PRKCH: variants seen among roughly 807,000 people sequenced by gnomAD.
The protein encoded by PRKCH is protein kinase C eta, also known as protein kinase C eta type.
A neutral mutation model predicts 82.5 loss-of-function variants in PRKCH; 28 were observed. The ratio of observed to expected loss-of-function variants is 0.34; its 90% confidence interval spans 0.25 to 0.47. The LOEUF (loss-of-function observed/expected upper bound fraction) is 0.47. PRKCH is among the 20% of genes least tolerant of loss of function. The pLI, the probability that PRKCH is intolerant of heterozygous loss-of-function variation, is 1.00. For missense variants in PRKCH, 705 were observed against 881.8 expected (o/e 0.80, Z 2.54); for synonymous variants, 322 against 327.4 (o/e 0.98, Z 0.18).
intron 1 of PRKCH, among the ~76,000 whole-genome samples, chr14:61,313,152 A>C (rs1052233146): frequency 6.6e-6 from 1 of 152,206 alleles, no homozygotes; most frequent in African/African-American, 2.4e-5. Context: ...CAAGACCTAG[A>C]GAAAACCCAG....
intron 1 of PRKCH, among the ~76,000 whole-genome samples, chr14:61,259,949 G>A (rs1418914557): frequency 1.3e-5 from 2 of 152,114 alleles, no homozygotes; most frequent in Non-Finnish European, 1.5e-5. Context: ...ATAAGTGACC[G>A]AGCCTTCATC....
chr14:61,238,897 T>C (rs766190693), intron 1 of PRKCH, among the ~76,000 whole-genome samples: 2 of 152,124 alleles, frequency 1.3e-5, no homozygotes, highest in African/African-American at 2.4e-5. Context: ...GGATCTCCAT[T>C]AAAGGAGCCC....
chr14:61,268,480 A>C (rs2140084455), intron 1 of PRKCH, among the ~76,000 whole-genome samples: 1 of 152,216 alleles, frequency 6.6e-6, no homozygotes, highest in South Asian at 2.1e-4. Context: ...AGCCTGGCCA[A>C]CTTGGTAAAA....
At chr14:61,268,844 A>C (rs1484838022) in intron 1 of PRKCH, among the ~76,000 whole-genome samples, 1 of 152,010 alleles carries the variant, frequency 6.6e-6, no homozygotes, top group Non-Finnish European at 1.5e-5. Flanking sequence ...TTCTGGAAAG[A>C]CTCTGGAGGC....
At chr14:61,281,221 C>G in intron 1 of PRKCH, 1 of 995,620 alleles carries the variant, frequency 1.0e-6, no homozygotes, top group Non-Finnish European at 1.3e-6. Context: ...CTCTCCGCGC[C>G]GCGCAAGCCC....
chr14:61,518,442 A>AAAAAAG lies in PRKCH; in HGVS notation c.1434-10615_1434-10610dup, dbSNP rs58836273. On this transcript the variant is annotated intron_variant, in intron 10 of 13. Coordinates refer to ENST00000332981, the MANE Select transcript of PRKCH (RefSeq NM_006255.5). Reference sequence around the variant, plus strand: ...GATAGGGGATGTGGAATGCAAAAAAAAAAAAGAAAAAGAAAAAGAAAAAAA... The same window carrying AAAAAAG: ...GATAGGGGATGTGGAATGCAAAAAAAAAAAAGAAAAAGAAAAAGAAAAAGAAAAAAA... Among the ~76,000 whole-genome samples the AAAAAAG allele has an allele frequency of 9.9e-4, 151 of 152,094 alleles. 1 individual carries two copies. Among genetic ancestry groups the AAAAAAG allele is most frequent in the African/African-American group, 3.4e-3 (139 of 41,450 alleles).
chr14:61,218,763 C>T (rs942737552), intron 1 of PRKCH, among the ~76,000 whole-genome samples: 2 of 152,086 alleles, frequency 1.3e-5, no homozygotes, highest in Admixed American at 6.5e-5. Context: ...ATTCTTTGAT[C>T]GTCAAATGTT....
At chr14:61,416,432 G>C (rs1386580836) in intron 2 of PRKCH, among the ~76,000 whole-genome samples, 8 of 152,098 alleles carry the variant, frequency 5.3e-5, no homozygotes, top group Non-Finnish European at 1.2e-4. Context: ...TCTTCCATCA[G>C]TGGGTGCTTG....
rs1233432821 is a variant in PRKCH, at chr14:61,494,649, C to T, written c.1433+8993C>T. Among the ~76,000 whole-genome samples, 5 of 152,132 alleles carry T rather than the reference C, an allele frequency of 3.3e-5. No homozygotes were observed. In the East Asian group the frequency reaches 5.8e-4, roughly 18 times the overall value. On this transcript the variant is annotated intron_variant, in intron 10 of 13. Transcript: ENST00000332981. Reference sequence around the variant, plus strand: ...AATGCGAATGCTTTTTGGAACATGCCGTGTCAATATAAGAGGTTATCTTTG... The same window carrying T: ...AATGCGAATGCTTTTTGGAACATGCTGTGTCAATATAAGAGGTTATCTTTG...
intron 2 of PRKCH, among the ~76,000 whole-genome samples, chr14:61,428,721 A>T (rs1389652983): frequency 6.6e-6 from 1 of 152,196 alleles, no homozygotes; most frequent in East Asian, 1.9e-4. Flanking sequence ...TTAAACACCA[A>T]AAATGCTTTA....
intron 2 of PRKCH, among the ~76,000 whole-genome samples, chr14:61,412,954 C>T (rs546735645): frequency 1.3e-5 from 2 of 152,194 alleles, no homozygotes; most frequent in East Asian, 3.9e-4. Flanking sequence ...GGCCTCTTAA[C>T]ACATTCTCAC....
chr14:61,353,912 G>C (rs2046113934), intron 1 of PRKCH: 1 of 152,122 alleles, frequency 6.6e-6, no homozygotes, highest in Non-Finnish European at 1.5e-5. Flanking sequence ...ACTCCAGCAG[G>C]AGCAACAGAG....
chr14:61,248,302 T>C (rs2140071060), intron 1 of PRKCH, among the ~76,000 whole-genome samples: 1 of 152,340 alleles, frequency 6.6e-6, no homozygotes, highest in Admixed American at 6.5e-5. Context: ...TTTGGCATGT[T>C]ACCTCAACCA....
At chr14:61,505,404 T>C (rs1399835100) in intron 10 of PRKCH, among the ~76,000 whole-genome samples, 4 of 108,950 alleles carry the variant, frequency 3.7e-5, no homozygotes, top group African/African-American at 5.4e-5. Flanking sequence ...TCTTTTTTTT[T>C]TTTTTTTTTT....
At chr14:61,367,647 TC>T (rs1455636428) in intron 1 of PRKCH, among the ~76,000 whole-genome samples, 3 of 151,706 alleles carry the variant, frequency 2.0e-5, no homozygotes, top group Non-Finnish European at 4.4e-5. Context: ...TGGATTTGTG[TC>T]CTGCTTGTGA....
chr14:61,201,556 A>G (rs2044481896), intron 1 of PRKCH, among the ~76,000 whole-genome samples: 1 of 152,228 alleles, frequency 6.6e-6, no homozygotes, highest in South Asian at 2.1e-4. Flanking sequence ...ATCAACCTTG[A>G]TCACATAAAA....
At chr14:61,261,199 G>A (rs1322648040) in intron 1 of PRKCH, among the ~76,000 whole-genome samples, 5 of 150,820 alleles carry the variant, frequency 3.3e-5, no homozygotes, top group African/African-American at 1.2e-4. Context: ...ACGCACACAC[G>A]CACATGCACA....
At position 61,280,528 on chromosome 14, in the gene PRKCH, C is replaced by T. The variant is rs754284679; in HGVS notation, c.-19+92860C>T. 3.7e-6 allele frequency: 6 copies of T among 1,612,228 alleles called. No homozygotes were observed. The highest frequency in any genetic ancestry group is 5.1e-6 in the Non-Finnish European group (6 of 1,179,428). ...GCTGCCGTTGACCAGCGGCGGGTTG[C>T]GGAACTTGACGTGGTAGTCGGTCCA... On this transcript the variant is annotated intron_variant, in intron 1 of 3. Transcript: ENST00000555185. This position sits in a 1 kb window ranked among gnomAD's most constrained non-coding sequence, Gnocchi z 5.0.
At chr14:61,310,807 C>A (rs570783403) in intron 1 of PRKCH, among the ~76,000 whole-genome samples, 1 of 152,370 alleles carries the variant, frequency 6.6e-6, no homozygotes, top group South Asian at 2.1e-4. Flanking sequence ...AAACTTCTGC[C>A]TGGACATCCA....
Sources: allele counts gnomAD v4.1 joint callset (sites outside exome capture counted in the v4.1 genomes callset), GRCh38; gene constraint gnomAD v4.1.1; non-coding constraint Gnocchi (gnomAD v3.1); transcripts MANE v1.5; gene names NCBI Gene and HGNC (gene_info 2026-07-23, HGNC 2026-07-21).